The following ZBTB20 variants were observed in gnomAD, a reference collection of about 807,000 sequenced individuals.
ZBTB20 encodes the protein zinc finger and BTB domain-containing protein 20.
A neutral mutation model predicts 56.9 loss-of-function variants in ZBTB20; 9 were observed. That is an observed-to-expected ratio of 0.16 (90% CI 0.10 to 0.28). ZBTB20 has a LOEUF of 0.28. Ranked by LOEUF, ZBTB20 falls within the 10% of genes least tolerant of loss-of-function variation. The probability of loss-of-function intolerance (pLI) is 1.00; values close to 1 mark genes in which losing one functional copy is unlikely to be tolerated. For missense variants in ZBTB20, 655 were observed against 1,003.0 expected (o/e 0.65, Z 4.69); for synonymous variants, 417 against 420.7 (o/e 0.99, Z 0.11).
At chr3:114,930,182 G>C (rs1464487461) in intron 3 of ZBTB20, among the ~76,000 whole-genome samples, 3 of 152,140 alleles carry the variant, frequency 2.0e-5, no homozygotes, top group African/African-American at 7.2e-5. Context: ...TAGTGAGTAA[G>C]AGCTAAGGGA....
intron 5 of ZBTB20, among the ~76,000 whole-genome samples, chr3:114,764,237 C>T (rs1019182956): frequency 4.7e-5 from 4 of 85,386 alleles, no homozygotes; most frequent in Non-Finnish European, 6.8e-5. Flanking sequence ...CCCCTTCTAC[C>T]TCTCTCTCTC....
At chr3:114,577,096 T>A (rs963966638) in intron 6 of ZBTB20, among the ~76,000 whole-genome samples, 8 of 152,254 alleles carry the variant, frequency 5.3e-5, no homozygotes, top group African/African-American at 1.9e-4. Flanking sequence ...ACTATTTACC[T>A]CAACTTTCTG....
intron 6 of ZBTB20, among the ~76,000 whole-genome samples, chr3:114,686,242 A>G (rs2062335372): frequency 6.6e-6 from 1 of 152,198 alleles, no homozygotes; most frequent in Admixed American, 6.5e-5. Flanking sequence ...AGTGGTGAGT[A>G]TTCATCCCTT....
chr3:114,512,535 CTTTA>C (rs750779640), intron 6 of ZBTB20, among the ~76,000 whole-genome samples: 1 of 152,012 alleles, frequency 6.6e-6, no homozygotes, highest in Non-Finnish European at 1.5e-5. Context: ...TCTTCTTGTT[CTTTA>C]TTTGTTTTTA....
At position 115,100,964 on chromosome 3, in the gene ZBTB20, G is replaced by A. The variant is rs562028307; in HGVS notation, c.-702-29550C>T. ...GAAATCATTGCTCAGTTAATAAATC[G>A]AGACCATATACAAAATTGCAGACTT... is the stretch of plus-strand genomic sequence containing the variant. On this transcript the variant is annotated intron_variant, in intron 1 of 11. Transcript: ENST00000675478. Among the ~76,000 whole-genome samples, 11 of 152,166 alleles carry A rather than the reference G, an allele frequency of 7.2e-5. 1 individual carries two copies. Among genetic ancestry groups the A allele is most frequent in the Non-Finnish European group, 1.6e-4 (11 of 68,032 alleles).
intron 7 of ZBTB20, among the ~76,000 whole-genome samples, chr3:114,456,986 C>T (rs745694593): frequency 6.6e-6 from 1 of 152,196 alleles, no homozygotes; most frequent in Non-Finnish European, 1.5e-5. Context: ...ATTTGCACAC[C>T]AACCTCTTTA....
chr3:114,525,725 A>G (rs1269441116), intron 6 of ZBTB20, among the ~76,000 whole-genome samples: 1 of 152,210 alleles, frequency 6.6e-6, no homozygotes, highest in Non-Finnish European at 1.5e-5. Flanking sequence ...AAAAACTAAC[A>G]CAGTGTAGGG....
In ZBTB20 at chr3:114,380,728, C is replaced by G. The variant is rs2084223731; in HGVS notation, c.11+49G>C. 2.7e-6 allele frequency: 4 copies of G among 1,473,954 alleles called. No individual in the cohort carries two copies. The South Asian group carries it at 4.3e-5, about 16-fold the overall frequency. The allele number at this position is 1,473,954 out of a possible 1,614,324, so 91.3% of individuals were successfully genotyped here. ...TATCCAAGAAAGCATCCCTCTTCCCCCCTTAGGAGTTTTAACATGGTCTGG... is the reference window on the plus strand; with the variant it reads ...TATCCAAGAAAGCATCCCTCTTCCCGCCTTAGGAGTTTTAACATGGTCTGG... On this transcript the variant is annotated intron_variant, in intron 9 of 11. Transcript: ENST00000675478.
intron 7 of ZBTB20, among the ~76,000 whole-genome samples, chr3:114,406,485 C>G (rs1184258658): frequency 6.6e-6 from 1 of 152,118 alleles, no homozygotes; most frequent in African/African-American, 2.4e-5. Flanking sequence ...AACACACAAA[C>G]AACTTCCTGT....
chr3:114,864,734 C>T (rs2075690012), intron 4 of ZBTB20, among the ~76,000 whole-genome samples: 1 of 152,026 alleles, frequency 6.6e-6, no homozygotes, highest in Non-Finnish European at 1.5e-5. Context: ...AAATTTCTAA[C>T]TATGACTTCC....
chr3:114,459,999 C>G (rs1466189277), intron 7 of ZBTB20, among the ~76,000 whole-genome samples: 1 of 151,860 alleles, frequency 6.6e-6, no homozygotes, highest in South Asian at 2.1e-4. Context: ...CTCTGGTTCT[C>G]TCAGTTTACA....
At chr3:114,826,382 C>T (rs1308803723) in intron 4 of ZBTB20, among the ~76,000 whole-genome samples, 1 of 151,730 alleles carries the variant, frequency 6.6e-6, no homozygotes, top group Admixed American at 6.6e-5. Flanking sequence ...ATAGCTCATA[C>T]CCCTACCGGA....
At chr3:114,623,313 C>T (rs2058447756) in intron 6 of ZBTB20, among the ~76,000 whole-genome samples, 1 of 152,092 alleles carries the variant, frequency 6.6e-6, no homozygotes, top group African/African-American at 2.4e-5. Flanking sequence ...GCAACCATCC[C>T]CACTCCATTC....
At chr3:114,405,936 AT>A (rs140625655) in intron 7 of ZBTB20, among the ~76,000 whole-genome samples, 2 of 150,698 alleles carry the variant, frequency 1.3e-5, no homozygotes, top group Admixed American at 6.6e-5. Context: ...TACTAGAGGC[AT>A]TTTTTTTTAA....
At chr3:114,968,773 C>T in intron 3 of ZBTB20, among the ~76,000 whole-genome samples, 1 of 152,022 alleles carries the variant, frequency 6.6e-6, no homozygotes, top group South Asian at 2.1e-4. Context: ...TATAATATTC[C>T]AATCTGAGAT....
At chr3:114,731,310 T>A (rs1186138420) in intron 5 of ZBTB20, among the ~76,000 whole-genome samples, 1 of 152,192 alleles carries the variant, frequency 6.6e-6, no homozygotes, top group Non-Finnish European at 1.5e-5. Flanking sequence ...GGTTGGAAAG[T>A]CATATCTCTG....
At chr3:114,524,833 G>T (rs1016001618) in intron 6 of ZBTB20, among the ~76,000 whole-genome samples, 2 of 152,126 alleles carry the variant, frequency 1.3e-5, no homozygotes, top group Admixed American at 6.5e-5. Flanking sequence ...CCCTGCCGCG[G>T]TCTCTTGAGT....
intron 3 of ZBTB20, among the ~76,000 whole-genome samples, chr3:114,904,117 GTGTT>G (rs147801017): frequency 1.9e-4 from 29 of 151,840 alleles, no homozygotes; most frequent in Admixed American, 3.3e-4. Context: ...ATACTATAGA[GTGTT>G]TGTTTGTTTG....
chr3:115,009,249 TTAATC>T (rs1464174295), intron 2 of ZBTB20, among the ~76,000 whole-genome samples: 1 of 151,888 alleles, frequency 6.6e-6, no homozygotes, highest in Non-Finnish European at 1.5e-5. Flanking sequence ...TATATAGCCC[TTAATC>T]TATATGGTTA....
Sources: gnomAD v4.1 joint callset for allele counts (sites outside exome capture counted in the v4.1 genomes callset) on GRCh38, gnomAD v4.1.1 for gene constraint, MANE v1.5 for transcripts, NCBI Gene and HGNC (gene_info 2026-07-23, HGNC 2026-07-21) for gene names.